PDE4B: variants seen among roughly 807,000 people sequenced by gnomAD.
The protein encoded by PDE4B is 3',5'-cyclic-AMP phosphodiesterase 4B.
Under a neutral mutation model 82.2 loss-of-function variants are expected in PDE4B, and 20 were observed. That is an observed-to-expected ratio of 0.24 (90% CI 0.17 to 0.35). PDE4B has a LOEUF of 0.35. PDE4B is among the 10% of genes least tolerant of loss of function. The pLI is 1.00. For missense variants in PDE4B, 655 were observed against 907.2 expected, an observed-to-expected ratio of 0.72 and a Z score of 3.57; for synonymous variants, 320 against 318.9, an observed-to-expected ratio of 1.00 and a Z score of -0.04.
chr1:66,352,373 C>G (rs746030668), intron 8 of PDE4B, among the ~76,000 whole-genome samples: 1 of 152,070 alleles, frequency 6.6e-6, no homozygotes, highest in Non-Finnish European at 1.5e-5. Context: ...GTAAACTATG[C>G]GGGAAAGGTG....
Position 66,178,434 on chromosome 1 carries a change from A to C in PDE4B, c.282-69026A>C, listed in dbSNP as rs536665149. ...TCTAAAACTCTTTCTACCATATGAT[A>C]AATAAATACAACTTTTATAATTACT... On this transcript the variant is annotated intron_variant, in intron 3 of 16. Coordinates refer to ENST00000341517, the MANE Select transcript of PDE4B (RefSeq NM_002600.4). Among the ~76,000 whole-genome samples, 3 of 152,306 alleles carry C rather than the reference A, an allele frequency of 2.0e-5. No individual in the cohort carries two copies. The East Asian group carries it at 5.8e-4, about 29-fold the overall frequency.
At chr1:65,825,740 A>ATCTATCTATCTATCTG (rs1557766187) in intron 1 of PDE4B, among the ~76,000 whole-genome samples, 18 of 151,812 alleles carry the variant, frequency 1.2e-4, no homozygotes, top group African/African-American at 4.3e-4. Context: ...CTATCTATCT[A>ATCTATCTATCTATCTG]TCTATCTATC....
chr1:66,257,763 C>T lies in PDE4B; in HGVS notation c.514-30C>T, dbSNP rs566838929. 10 of 1,609,848 alleles carry T rather than the reference C, an allele frequency of 6.2e-6. No individual in the cohort carries two copies. In the South Asian group the frequency reaches 9.9e-5, roughly 16 times the overall value. On this transcript the variant is annotated intron_variant, in intron 5 of 16. Coordinates refer to ENST00000341517, the MANE Select transcript of PDE4B (RefSeq NM_002600.4). ...AACCTGGCCATTTGTCTTCTTTTGT[C>T]CTTAACCGTTTAAAACATTTTTCTT...
intron 7 of PDE4B, among the ~76,000 whole-genome samples, chr1:66,307,123 C>T (rs1424538350): frequency 6.6e-6 from 1 of 151,818 alleles, no homozygotes; most frequent in African/African-American, 2.4e-5. Flanking sequence ...GAGAGAGAGA[C>T]AGAGACAGAG....
chr1:66,141,561 AAGAAGAG>A, intron 3 of PDE4B, among the ~76,000 whole-genome samples: 1 of 151,914 alleles, frequency 6.6e-6, no homozygotes, highest in East Asian at 1.9e-4. Context: ...TGAGTTAGGG[AAGAAGAG>A]AGAGTGAGGA....
intron 1 of PDE4B, among the ~76,000 whole-genome samples, chr1:65,845,206 A>G (rs1182270515): frequency 2.6e-5 from 4 of 152,204 alleles, no homozygotes; most frequent in Non-Finnish European, 5.9e-5. Context: ...GTGAGCTTAA[A>G]CAACATGCAG....
rs149255811 is a variant in PDE4B at position 65,901,710 on chromosome 1, C to T, written c.-70-11535C>T. Among the ~76,000 whole-genome samples the T allele has an allele frequency of 3.5e-4, 53 of 152,076 alleles. 1 individual carries two copies. The East Asian group carries it at 9.8e-3, about 28-fold the overall frequency. On this transcript the variant is annotated intron_variant, in intron 1 of 16. Coordinates refer to ENST00000341517, the MANE Select transcript of PDE4B (RefSeq NM_002600.4). ...GTTGTGTGTTTCTTTGTTAATTTAG[C>T]TAGTGTTCTATTCATCTTGTTTATC... is the stretch of plus-strand genomic sequence containing the variant.
At chr1:66,114,642 T>TG (rs1645556096) in intron 3 of PDE4B, among the ~76,000 whole-genome samples, 1 of 150,302 alleles carries the variant, frequency 6.7e-6, no homozygotes, top group Non-Finnish European at 1.5e-5. Flanking sequence ...ATTTTTTTTT[T>TG]TTTTTTTTTT....
At chr1:65,932,553 A>C (rs1353777752) in intron 3 of PDE4B, among the ~76,000 whole-genome samples, 1 of 152,144 alleles carries the variant, frequency 6.6e-6, no homozygotes, top group Non-Finnish European at 1.5e-5. Context: ...CTACACAAAG[A>C]GTCAAGGAAA....
chr1:66,368,521 C>T (rs1362557104), intron 15 of PDE4B, among the ~76,000 whole-genome samples: 1 of 152,162 alleles, frequency 6.6e-6, no homozygotes, highest in South Asian at 2.1e-4. Context: ...CAGCATCTGA[C>T]CTCTAATGTT....
intron 3 of PDE4B, among the ~76,000 whole-genome samples, chr1:66,146,685 A>G (rs1646280357): frequency 6.6e-6 from 1 of 152,204 alleles, no homozygotes; most frequent in Non-Finnish European, 1.5e-5. Context: ...TGTGTCCACC[A>G]CATTTCAAGC....
intron 1 of PDE4B, among the ~76,000 whole-genome samples, chr1:65,843,442 A>G (rs1262316955): frequency 6.6e-6 from 1 of 152,128 alleles, no homozygotes; most frequent in Non-Finnish European, 1.5e-5. Context: ...ATTTCCCACT[A>G]CCAAATGCCA....
At chr1:65,998,655 G>T (rs920189079) in intron 3 of PDE4B, among the ~76,000 whole-genome samples, 2 of 152,076 alleles carry the variant, frequency 1.3e-5, no homozygotes, top group Non-Finnish European at 2.9e-5. Context: ...TATGGAAACT[G>T]GGAGGAAAGC....
rs533737336 is a variant in PDE4B, at chr1:66,228,565, A to C, written c.282-18895A>C. On this transcript the variant is annotated intron_variant, in intron 3 of 16. Transcript: ENST00000341517. Reference sequence around the variant, plus strand: ...CATGAACCCGGGAGGCGGAGCTTGCAGTGAGCTGAGCTGAGATCGCGCCAC... The same window carrying C: ...CATGAACCCGGGAGGCGGAGCTTGCCGTGAGCTGAGCTGAGATCGCGCCAC... 2.6e-5 allele frequency among the ~76,000 whole-genome samples: 4 copies of C among 151,760 alleles called. No individual in the cohort carries two copies. In the South Asian group the frequency reaches 6.3e-4, roughly 24 times the overall value.
chr1:66,218,412 T>C (rs929658249), intron 3 of PDE4B, among the ~76,000 whole-genome samples: 1 of 152,078 alleles, frequency 6.6e-6, no homozygotes, highest in African/African-American at 2.4e-5. Flanking sequence ...TTCTAAACTG[T>C]TTGGAAAGTA....
At position 66,367,949 on chromosome 1, in the gene PDE4B, G is replaced by T. The variant is rs1663371618; in HGVS notation, c.1546G>T (p.Ala516Ser). ...LRKMVIDMVL[A>S]TDMSKHMSLL... ...CATTTTCTTTTTACCCAAGGTGTTA[G>T]CAACTGATATGTCTAAACATATGAG... Residue 516 changes from alanine (A) to serine (S), a missense_variant, in exon 15 of 17, where the codon GCA (alanine) becomes TCA (serine). Transcript: ENST00000341517. 1 of 1,613,464 alleles carries T rather than the reference G, an allele frequency of 6.2e-7. No individual in the cohort carries two copies. The highest frequency in any genetic ancestry group is 8.5e-7 in the Non-Finnish European group (1 of 1,179,708).
At chr1:66,176,285 C>T (rs1188242596) in intron 3 of PDE4B, among the ~76,000 whole-genome samples, 4 of 152,210 alleles carry the variant, frequency 2.6e-5, no homozygotes, top group Admixed American at 6.5e-5. Flanking sequence ...GAGAGAACCC[C>T]GCCTACAAAA....
chr1:66,091,641 A>G (rs1186917506), intron 3 of PDE4B, among the ~76,000 whole-genome samples: 1 of 152,076 alleles, frequency 6.6e-6, no homozygotes, highest in African/African-American at 2.4e-5. Context: ...CAGTTAAAAA[A>G]ATTACATGAG....
chr1:66,314,908 CCTT>C (rs72257451), intron 7 of PDE4B, among the ~76,000 whole-genome samples: 4,534 of 152,322 alleles, frequency 0.03, 159 homozygotes, highest in African/African-American at 0.088. Context: ...TGCTCCCAGT[CCTT>C]CTCTGATGAT....
Sources: gnomAD v4.1 joint callset for allele counts (sites outside exome capture counted in the v4.1 genomes callset) on GRCh38, gnomAD v4.1.1 for gene constraint, MANE v1.5 for transcripts, NCBI Gene and HGNC (gene_info 2026-07-23, HGNC 2026-07-21) for gene names.